SOX5: variants seen among roughly 807,000 people sequenced by gnomAD.
SOX5 encodes transcription factor SOX-5.
Under a neutral mutation model 92.0 loss-of-function variants are expected in SOX5, and 9 were observed. The ratio of observed to expected loss-of-function variants is 0.10; its 90% CI spans 0.06 to 0.17. SOX5 has a LOEUF of 0.17. Ranked by LOEUF, SOX5 falls within the 10% of genes least tolerant of loss-of-function variation. The pLI is 1.00. For missense variants in SOX5, 642 were observed against 944.5 expected, an observed-to-expected ratio of 0.68 and a Z score of 4.20; for synonymous variants, 344 against 336.3, an observed-to-expected ratio of 1.02 and a Z score of -0.25.
At chr12:24,479,113 C>T (rs1359598176) in intron 1 of SOX5, among the ~76,000 whole-genome samples, 1 of 152,162 alleles carries the variant, frequency 6.6e-6, no homozygotes, top group East Asian at 1.9e-4. Context: ...TCTGAGTATT[C>T]ATTCACATCC....
At chr12:24,023,076 TAA>T (rs1481861830) in intron 4 of SOX5, among the ~76,000 whole-genome samples, 2 of 152,048 alleles carry the variant, frequency 1.3e-5, no homozygotes, top group Non-Finnish European at 2.9e-5. Context: ...ATCTGAAACA[TAA>T]AGTCTGCTAT....
chr12:23,792,337 C>T (rs907536008), intron 3 of SOX5, among the ~76,000 whole-genome samples: 5 of 151,704 alleles, frequency 3.3e-5, no homozygotes, highest in African/African-American at 7.3e-5. Context: ...ATAAAAATCT[C>T]GGACAGGCCA....
At chr12:23,654,188 G>C (rs966210940) in intron 7 of SOX5, among the ~76,000 whole-genome samples, 1 of 152,010 alleles carries the variant, frequency 6.6e-6, no homozygotes, top group Non-Finnish European at 1.5e-5. Context: ...CTAGAATTTA[G>C]GGGTAGGAGG....
intron 4 of SOX5, among the ~76,000 whole-genome samples, chr12:24,120,649 G>C (rs1315405398): frequency 6.6e-6 from 1 of 152,162 alleles, no homozygotes; most frequent in African/African-American, 2.4e-5. Flanking sequence ...AATATCATGT[G>C]TACCAATCTA....
Position 24,152,393 on chromosome 12 carries a change from C to A in SOX5, c.-2+60950G>T, listed in dbSNP as rs77824112. Among the ~76,000 whole-genome samples the A allele has an allele frequency of 2.7e-3, 417 of 152,158 alleles. 2 individuals carry two copies. Among genetic ancestry groups the A allele is most frequent in the African/African-American group, 9.9e-3 (411 of 41,520 alleles). On this transcript the variant is annotated intron_variant, in intron 4 of 4. Coordinates refer to the SOX5 transcript ENST00000446891. Reference sequence around the variant, plus strand: ...CCTTGAGCAAAAGTTCTTTCATGACCCTCAGAGTGGGGTGTCCCCAGAAAG... The same window carrying A: ...CCTTGAGCAAAAGTTCTTTCATGACACTCAGAGTGGGGTGTCCCCAGAAAG...
intron 2 of SOX5, among the ~76,000 whole-genome samples, chr12:23,875,503 T>C (rs1373412062): frequency 2.6e-5 from 4 of 151,674 alleles, no homozygotes; most frequent in Non-Finnish European, 5.9e-5. Context: ...AGTTTCATTA[T>C]TTTTTCTTCA....
At chr12:24,216,415 C>A (rs1259907696) in intron 3 of SOX5, among the ~76,000 whole-genome samples, 1 of 151,948 alleles carries the variant, frequency 6.6e-6, no homozygotes, top group Non-Finnish European at 1.5e-5. Flanking sequence ...ACCCGGGAGG[C>A]GGGGCTTGCA....
intron 8 of SOX5, among the ~76,000 whole-genome samples, chr12:23,633,007 C>T (rs997351495): frequency 6.6e-6 from 1 of 152,042 alleles, no homozygotes; most frequent in Non-Finnish European, 1.5e-5. Context: ...TGATTGGATG[C>T]TACTTGCTTA....
intron 1 of SOX5, among the ~76,000 whole-genome samples, chr12:24,534,921 A>AGC (rs1951505488): frequency 6.6e-6 from 1 of 152,228 alleles, no homozygotes; most frequent in Non-Finnish European, 1.5e-5. Flanking sequence ...GCACTCTCAG[A>AGC]AAACATGCAA....
intron 4 of SOX5, among the ~76,000 whole-genome samples, chr12:24,100,305 T>C (rs139244410): frequency 2.6e-5 from 4 of 152,236 alleles, no homozygotes; most frequent in Non-Finnish European, 4.4e-5. Flanking sequence ...ACCACCCAAC[T>C]CTTTCTTAAA....
chr12:23,701,018 A>C (rs763138520), intron 6 of SOX5, among the ~76,000 whole-genome samples: 3 of 152,064 alleles, frequency 2.0e-5, no homozygotes, highest in Admixed American at 1.3e-4. Flanking sequence ...AGTATTTAAA[A>C]GCTTACAAAT....
intron 4 of SOX5, among the ~76,000 whole-genome samples, chr12:24,081,251 C>A (rs1288805323): frequency 6.6e-6 from 1 of 151,880 alleles, no homozygotes; most frequent in East Asian, 1.9e-4. Flanking sequence ...AAATGCAAAA[C>A]GTCTGCTAAA....
At chr12:23,715,600 TAAC>T (rs2092429543) in intron 6 of SOX5, among the ~76,000 whole-genome samples, 1 of 152,232 alleles carries the variant, frequency 6.6e-6, no homozygotes, top group African/African-American at 2.4e-5. Context: ...TTATGACCAA[TAAC>T]AACATTAGTA....
intron 2 of SOX5, among the ~76,000 whole-genome samples, chr12:24,296,337 G>A (rs1414715666): frequency 1.3e-5 from 2 of 152,116 alleles, no homozygotes; most frequent in Non-Finnish European, 1.5e-5. Context: ...AGATTTCCTC[G>A]CTGATAAATG....
chr12:23,719,318 T>C (rs1176443395), intron 6 of SOX5, among the ~76,000 whole-genome samples: 2 of 152,180 alleles, frequency 1.3e-5, no homozygotes, highest in East Asian at 1.9e-4. Flanking sequence ...GTTGGCTACA[T>C]GAGAGATAAA....
At chr12:24,115,289 T>C (rs1448640263) in intron 4 of SOX5, among the ~76,000 whole-genome samples, 4 of 152,210 alleles carry the variant, frequency 2.6e-5, no homozygotes, top group Non-Finnish European at 4.4e-5. Context: ...CTAGTCTTGA[T>C]GTATCTTTGT....
chr12:24,006,465 G>A (rs762193520), intron 4 of SOX5, among the ~76,000 whole-genome samples: 2 of 151,854 alleles, frequency 1.3e-5, no homozygotes, highest in African/African-American at 4.8e-5. Flanking sequence ...GCTTCTGGTG[G>A]GTTTAGAAGC....
At chr12:24,375,697 T>C (rs1269137407) in intron 1 of SOX5, among the ~76,000 whole-genome samples, 1 of 149,120 alleles carries the variant, frequency 6.7e-6, no homozygotes, top group Non-Finnish European at 1.5e-5. Context: ...GATCACGCCA[T>C]TGCACTCCAG....
chr12:24,373,982 G>T (rs1596032442), intron 1 of SOX5, among the ~76,000 whole-genome samples: 1 of 152,166 alleles, frequency 6.6e-6, no homozygotes, highest in East Asian at 1.9e-4. Context: ...GACAGAATTT[G>T]AGAGTAAAAA....
Sources: allele counts gnomAD v4.1 joint callset (sites outside exome capture counted in the v4.1 genomes callset), GRCh38; gene constraint gnomAD v4.1.1; transcripts MANE v1.5; gene names NCBI Gene and HGNC (gene_info 2026-07-23, HGNC 2026-07-21).